Variants in CNTNAP3B observed in about 807,000 individuals in gnomAD.
CNTNAP3B encodes the protein contactin associated protein family member 3B, also known as contactin-associated protein-like 3B.
A neutral mutation model predicts 108.9 loss-of-function variants in CNTNAP3B; 25 were observed. The ratio of observed to expected loss-of-function variants is 0.23; its 90% CI spans 0.17 to 0.32. CNTNAP3B has a LOEUF of 0.32. Among genes scored for constraint, CNTNAP3B ranks in the 10% least tolerant of loss-of-function variants. CNTNAP3B has a pLI of 1.00. For synonymous variants in CNTNAP3B, 103 were observed against 473.4 expected, an observed-to-expected ratio of 0.22 and a Z score of 10.16; for missense variants, 252 against 1,210.4, an observed-to-expected ratio of 0.21 and a Z score of 11.75.
chr9:41,957,792 GCT>G (rs1293495706), intron 12 of CNTNAP3B, among the ~76,000 whole-genome samples: 2 of 151,856 alleles, frequency 1.3e-5, no homozygotes, highest in African/African-American at 2.4e-5. Context: ...ACAAAATCTC[GCT>G]CTGTCACCCA....
intron 20 of CNTNAP3B, chr9:41,906,458 CTAAAG>C (rs1456136340): frequency 6.8e-6 from 1 of 146,402 alleles, no homozygotes; most frequent in Non-Finnish European, 1.5e-5. Context: ...TTTTAAGTTG[CTAAAG>C]TATTTGTTCT....
intron 1 of CNTNAP3B, among the ~76,000 whole-genome samples, chr9:42,111,429 T>G (rs1441824524): frequency 7.2e-6 from 1 of 138,930 alleles, no homozygotes; most frequent in Admixed American, 7.2e-5. Context: ...AACTCAACAT[T>G]GCTAAGAACA....
intron 17 of CNTNAP3B, among the ~76,000 whole-genome samples, chr9:41,921,436 T>C (rs1823664550): frequency 6.6e-6 from 1 of 150,660 alleles, no homozygotes; most frequent in Non-Finnish European, 1.5e-5. Flanking sequence ...CATACGTGGG[T>C]TCACGTGTAG....
At chr9:41,962,001 C>T (rs1289927599) in intron 11 of CNTNAP3B, among the ~76,000 whole-genome samples, 1 of 152,266 alleles carries the variant, frequency 6.6e-6, no homozygotes, top group Non-Finnish European at 1.5e-5. Flanking sequence ...AAATATAGGG[C>T]ACAGACTAGG....
At chr9:42,112,253 C>T (rs897504406) in intron 1 of CNTNAP3B, among the ~76,000 whole-genome samples, 2 of 139,836 alleles carry the variant, frequency 1.4e-5, no homozygotes, top group Non-Finnish European at 3.1e-5. Context: ...TTTGTCTCTG[C>T]TCTGAAGTCT....
intron 11 of CNTNAP3B, among the ~76,000 whole-genome samples, chr9:41,963,391 A>G (rs990454359): frequency 6.6e-6 from 1 of 151,840 alleles, no homozygotes; most frequent in African/African-American, 2.4e-5. Flanking sequence ...AATAGGAAAA[A>G]AAAGGCTTTT....
intron 3 of CNTNAP3B, among the ~76,000 whole-genome samples, chr9:42,021,409 CCAT>C (rs1475631539): frequency 1.6e-4 from 17 of 108,474 alleles, no homozygotes; most frequent in South Asian, 6.7e-4. Context: ...AATTATTTCA[CCAT>C]ATTTTTACAC....
chr9:42,117,112 T>TCAA lies in CNTNAP3B; in HGVS notation c.85+11895_85+11897dup, dbSNP rs1220018330. 2.2e-5 allele frequency among the ~76,000 whole-genome samples: 3 copies of TCAA among 138,092 alleles called. 1 individual carries two copies. Among genetic ancestry groups the TCAA allele is most frequent in the African/African-American group, 5.8e-5 (2 of 34,502 alleles). 90.6% of individuals were successfully genotyped at this position (138,092 alleles called of 152,430 possible). A position where few individuals can be genotyped will look rare whatever the true frequency, so the allele number is the denominator to read the frequency against. On this transcript the variant is annotated intron_variant, in intron 1 of 23. Transcript: ENST00000377561. ...CACACCACTGTCAACATTAGACAGA[T>TCAA]CAACAAGACAGAAAGTTAAAAAGGA...
Position 42,086,471 on chromosome 9 carries a change from G to A in CNTNAP3B, c.197-9409C>T, listed in dbSNP as rs1484573449. Among the ~76,000 whole-genome samples, 133 of 137,224 alleles carry A rather than the reference G, an allele frequency of 9.7e-4. 1 individual carries two copies. The highest frequency in any genetic ancestry group is 1.6e-3 in the Non-Finnish European group (102 of 64,476). The allele number at this position is 137,224 out of a possible 152,430, so 90.0% of individuals were successfully genotyped here. On this transcript the variant is annotated intron_variant, in intron 2 of 23. Transcript: ENST00000377561. ...TTTTTTTTTACATTTTACAACAGGC[G>A]GAGTCTCGCTCTGTTGCCCAGGCCA...
intron 2 of CNTNAP3B, among the ~76,000 whole-genome samples, chr9:42,087,556 G>A (rs1371898632): frequency 6.9e-6 from 1 of 144,382 alleles, no homozygotes; most frequent in Non-Finnish European, 1.5e-5. Flanking sequence ...TGGGCCTCAG[G>A]GGCAAAGGAG....
At chr9:41,934,816 A>G (rs1824104910) in intron 14 of CNTNAP3B, among the ~76,000 whole-genome samples, 2 of 152,412 alleles carry the variant, frequency 1.3e-5, no homozygotes, top group Non-Finnish European at 2.9e-5. Flanking sequence ...TTAAATGAAC[A>G]GAGTTTACTC....
At chr9:41,967,255 G>A (rs530079308) in intron 10 of CNTNAP3B, among the ~76,000 whole-genome samples, 111 of 152,368 alleles carry the variant, frequency 7.3e-4, no homozygotes, top group African/African-American at 2.6e-3. Flanking sequence ...ACCTGTGGGA[G>A]GTAACTGAAT....
At chr9:42,117,443 T>C (rs960241086) in intron 1 of CNTNAP3B, among the ~76,000 whole-genome samples, 1 of 139,320 alleles carries the variant, frequency 7.2e-6, no homozygotes, top group African/African-American at 2.9e-5. Context: ...CATAACAAAA[T>C]GAAGGCAGAA....
chr9:41,948,222 G>A (rs1269152922), intron 13 of CNTNAP3B, among the ~76,000 whole-genome samples: 50 of 143,868 alleles, frequency 3.5e-4, no homozygotes, highest in Admixed American at 7.1e-4. Flanking sequence ...CTCCTGAGTA[G>A]CTGGGATTAT....
intron 3 of CNTNAP3B, among the ~76,000 whole-genome samples, chr9:42,049,421 G>A (rs1333102883): frequency 1.5e-5 from 2 of 133,700 alleles, no homozygotes; most frequent in Non-Finnish European, 3.2e-5. Context: ...CAATTTGTTA[G>A]CATTTATGTA....
chr9:41,927,390 G>GAA (rs1417738257), intron 15 of CNTNAP3B, among the ~76,000 whole-genome samples: 14 of 136,698 alleles, frequency 1.0e-4, no homozygotes, highest in Admixed American at 3.0e-4. Context: ...TACTGAGAAA[G>GAA]AAAAAAAGAA....
intron 13 of CNTNAP3B, among the ~76,000 whole-genome samples, chr9:41,945,257 C>T (rs1214194663): frequency 1.3e-5 from 2 of 152,290 alleles, no homozygotes; most frequent in Admixed American, 1.3e-4. Context: ...CCAGCCATCC[C>T]ATTACTGGGT....
chr9:41,955,986 C>T (rs1824845359), intron 12 of CNTNAP3B, among the ~76,000 whole-genome samples: 1 of 152,180 alleles, frequency 6.6e-6, no homozygotes, highest in Non-Finnish European at 1.5e-5. Flanking sequence ...CTTAAATCAG[C>T]CCACAGTTGG....
intron 10 of CNTNAP3B, among the ~76,000 whole-genome samples, chr9:41,966,993 C>A (rs1168396632): frequency 1.3e-5 from 2 of 150,140 alleles, no homozygotes; most frequent in East Asian, 1.9e-4. Flanking sequence ...AAACACCTAT[C>A]CAAACATAAA....
Sources: allele counts gnomAD v4.1 joint callset (sites outside exome capture counted in the v4.1 genomes callset), GRCh38; gene constraint gnomAD v4.1.1; transcripts MANE v1.5; gene names NCBI Gene and HGNC (gene_info 2026-07-23, HGNC 2026-07-21).